RBM10: variants seen among roughly 807,000 people sequenced by gnomAD.
RBM10 encodes RNA binding motif protein 10, also known as RNA-binding protein 10.
Under a neutral mutation model 84.9 loss-of-function variants are expected in RBM10, and 1 was observed. The ratio of observed to expected loss-of-function variants is 0.01; its 90% CI spans 0.00 to 0.06. The LOEUF (loss-of-function observed/expected upper bound fraction) is 0.06, where lower values mean the gene tolerates loss of function less well. Among genes scored for constraint, RBM10 ranks in the 10% least tolerant of loss-of-function variants. RBM10 has a pLI of 1.00. For missense variants in RBM10, 438 were observed against 839.0 expected, an observed-to-expected ratio of 0.52 and a Z score of 5.90; for synonymous variants, 326 against 344.5, an observed-to-expected ratio of 0.95 and a Z score of 0.60.
intron 2 of RBM10, among the ~76,000 whole-genome samples, chrX:47,168,553 AAAAAG>A (rs1379060845): frequency 1.8e-5 from 2 of 111,383 alleles, no homozygotes; most frequent in Admixed American, 9.6e-5. Context: ...TTCTCAAAAA[AAAAAG>A]AAAAGAAATG....
At chrX:47,162,712 A>G (rs999081677) in intron 2 of RBM10, among the ~76,000 whole-genome samples, 19 of 110,275 alleles carry the variant, frequency 1.7e-4, no homozygotes, top group Non-Finnish European at 3.2e-4. Flanking sequence ...CGTCTCTACT[A>G]AAAATGCAAA....
intron 2 of RBM10, among the ~76,000 whole-genome samples, chrX:47,151,661 G>A (rs147941094): frequency 8.9e-6 from 1 of 111,925 alleles, no homozygotes; most frequent in Non-Finnish European, 1.9e-5. Flanking sequence ...AAGGCAGTCT[G>A]CAGAAGAGCA....
intron 2 of RBM10, among the ~76,000 whole-genome samples, chrX:47,149,346 G>GT (rs1556762950): frequency 9.4e-6 from 1 of 106,610 alleles, no homozygotes; most frequent in Non-Finnish European, 1.9e-5. Context: ...TTTTTTGTTT[G>GT]TTTGTTTTGT....
chrX:47,177,351 G>C (rs1422029683), intron 7 of RBM10, among the ~76,000 whole-genome samples: 1 of 111,888 alleles, frequency 8.9e-6, no homozygotes, highest in Non-Finnish European at 1.9e-5. Flanking sequence ...ACCTTTAGCT[G>C]TGCCCTGTGC....
In RBM10 at chrX:47,179,125, G is replaced by A. The variant is rs1556777452; in HGVS notation, c.686G>A (p.Arg229His). ...CNKCGVQNFK[R>H]REKCFKCGVP... ...CAGTGTGGCGTCCAGAACTTCAAAC[G>A]CCGAGAGAAGTGCTTCAAATGTGGC... The change falls in exon 8 of 24, where the codon CGC (arginine) becomes CAC (histidine). Residue 229 changes from arginine (R) to histidine (H), a missense_variant. Coordinates refer to ENST00000377604, the MANE Select transcript of RBM10 (RefSeq NM_005676.5). The A allele has an allele frequency of 8.3e-7, 1 of 1,209,219 alleles. No individual in the cohort carries two copies. Among genetic ancestry groups the A allele is most frequent in the Non-Finnish European group, 1.1e-6 (1 of 894,191 alleles).
chrX:47,155,146 CAAAA>C (rs782034292), intron 2 of RBM10, among the ~76,000 whole-genome samples: 2 of 27,355 alleles, frequency 7.3e-5, no homozygotes, highest in Non-Finnish European at 1.4e-4. Context: ...GACTCCCTCT[CAAAA>C]AAAAAAAAAA....
In RBM10 at chrX:47,145,369, A is replaced by G. The variant is rs1556761574; in HGVS notation, c.-242A>G. 1 of 1,030,657 alleles carries G rather than the reference A, an allele frequency of 9.7e-7. No individual in the cohort carries two copies. Among genetic ancestry groups the G allele is most frequent in the Non-Finnish European group, 1.3e-6 (1 of 760,032 alleles). 84.9% of individuals were successfully genotyped at this position (1,030,657 alleles called of 1,213,427 possible). ...TCTCCCCTCCCCCCGATCTGCCTCC[A>G]GTCTCGGACTTGGTTGTTGCGCGCT... is the stretch of plus-strand genomic sequence containing the variant. On this transcript the variant is annotated 5_prime_UTR_variant, in exon 1 of 24. Transcript: ENST00000377604.
intron 4 of RBM10, 29 bp from the exon 5 acceptor site, chrX:47,173,099 C>A (rs1934794203): frequency 8.3e-7 from 1 of 1,210,622 alleles, no homozygotes; most frequent in South Asian, 1.8e-5. Context: ...TTGTGCTGAG[C>A]CTGCCCTACT....
Position 47,158,083 on chromosome X carries a change from C to T in RBM10, c.17+10585C>T, listed in dbSNP as rs1330262631. The T allele has an allele frequency of 8.4e-5, 16 of 191,139 alleles. No individual in the cohort carries two copies. The East Asian group carries it at 2.9e-3, about 35-fold the overall frequency. The allele number at this position is 191,139 out of a possible 1,213,427, so 15.8% of individuals were successfully genotyped here. A position where few individuals can be genotyped will look rare whatever the true frequency, so the allele number is the denominator to read the frequency against. ...GAGCCACCGCGCCCGGCCTCAGCTGCACCACTTCTATCCCTCACTTCCTGC... is the reference window on the plus strand; with the variant it reads ...GAGCCACCGCGCCCGGCCTCAGCTGTACCACTTCTATCCCTCACTTCCTGC... On this transcript the variant is annotated intron_variant, in intron 2 of 23. Transcript: ENST00000377604.
intron 1 of RBM10, 103 bp downstream of exon 1, chrX:47,145,588 G>C (rs1932058734): frequency 1.2e-6 from 1 of 841,514 alleles, no homozygotes; most frequent in African/African-American, 2.1e-5. Context: ...TGCGCGGAAC[G>C]GAGGGGTTGG....
intron 3 of RBM10, 47 bp from the exon 4 acceptor site, chrX:47,170,981 C>T (rs782025766): frequency 1.7e-6 from 2 of 1,175,691 alleles, no homozygotes; most frequent in Admixed American, 4.4e-5. Context: ...TAGGCCTGCC[C>T]AGACTGACTG....
At chrX:47,161,513 G>GTT (rs781863849) in intron 2 of RBM10, among the ~76,000 whole-genome samples, 22 of 55,076 alleles carry the variant, frequency 4.0e-4, no homozygotes, top group African/African-American at 1.1e-3. Context: ...CAACTCATTA[G>GTT]TTTTTTTTTT....
intron 3 of RBM10, 143 bp from the exon 4 acceptor site, chrX:47,170,885 A>T (rs1934597670): frequency 3.3e-6 from 2 of 603,678 alleles, no homozygotes; most frequent in Middle Eastern, 3.8e-4. Context: ...GGGCCTGCCC[A>T]CCCTGCCTGC....
chrX:47,182,383 C>T (rs1441525603), intron 17 of RBM10, 57 bp downstream of exon 17: 2 of 1,168,995 alleles, frequency 1.7e-6, no homozygotes, highest in Non-Finnish European at 1.1e-6. Flanking sequence ...CCAGCAACGG[C>T]ACTCTGTCAG....
chrX:47,166,407 T>C (rs1363447180), intron 2 of RBM10, among the ~76,000 whole-genome samples: 2 of 111,722 alleles, frequency 1.8e-5, no homozygotes, highest in Non-Finnish European at 3.8e-5. Flanking sequence ...TTGTCTCAAG[T>C]AAAATAAAAT....
At chrX:47,151,140 G>A (rs1478921491) in intron 2 of RBM10, among the ~76,000 whole-genome samples, 1 of 107,591 alleles carries the variant, frequency 9.3e-6, no homozygotes, top group Non-Finnish European at 1.9e-5. Context: ...ACAGGCTCAA[G>A]TGATCTTCCT....
intron 2 of RBM10, among the ~76,000 whole-genome samples, chrX:47,156,430 G>A: frequency 9.0e-6 from 1 of 111,168 alleles, no homozygotes; most frequent in Non-Finnish European, 1.9e-5. Flanking sequence ...TGTGGGATGG[G>A]ATGGCCCTTT....
At position 47,147,505 on chromosome X, in the gene RBM10, T is replaced by G; in HGVS notation, c.17+7T>G. The G allele has an allele frequency of 2.5e-6, 3 of 1,211,360 alleles. No individual in the cohort carries two copies. The highest frequency in any genetic ancestry group is 3.4e-6 in the Non-Finnish European group (3 of 895,045). The stretch of plus-strand genomic sequence containing the variant: ...ACATGGAGTATGAAAGACGGTGAGT[T>G]ATCTGTTCTCAGCTTCCCAGACAGC... On this transcript the variant is annotated splice_region_variant and intron_variant, in intron 2 of 23. Coordinates refer to ENST00000377604, the MANE Select transcript of RBM10 (RefSeq NM_005676.5).
In RBM10 at chrX:47,179,825, G is replaced by T. The variant is rs1569192532; in HGVS notation, c.902-55G>T. The T allele has an allele frequency of 6.9e-6, 8 of 1,151,221 alleles. No homozygotes were observed. In the East Asian group the frequency reaches 1.3e-4, roughly 18 times the overall value. 94.9% of individuals were successfully genotyped at this position (1,151,221 alleles called of 1,213,427 possible). A position where few individuals can be genotyped will look rare whatever the true frequency, so the allele number is the denominator to read the frequency against. On this transcript the variant is annotated intron_variant, in intron 9 of 23. Coordinates refer to ENST00000377604, the MANE Select transcript of RBM10 (RefSeq NM_005676.5). Reference sequence around the variant, plus strand: ...AAGGGAGCAGTGGGGGCATTGAAGGGCAGGGCTGGCAAGAGTGCCAGGGGT... The same window carrying T: ...AAGGGAGCAGTGGGGGCATTGAAGGTCAGGGCTGGCAAGAGTGCCAGGGGT...
Sources: gnomAD v4.1 joint callset for allele counts (sites outside exome capture counted in the v4.1 genomes callset) on GRCh38, gnomAD v4.1.1 for gene constraint, MANE v1.5 for transcripts, NCBI Gene and HGNC (gene_info 2026-07-23, HGNC 2026-07-21) for gene names.